Variants in ABLIM1 observed in about 807,000 individuals in gnomAD.
ABLIM1 encodes actin-binding LIM protein 1.
In ABLIM1, 40 loss-of-function variants were observed where a neutral mutation model predicts 107.0. The ratio of observed to expected loss-of-function variants is 0.37; its 90% confidence interval spans 0.29 to 0.49. The LOEUF (loss-of-function observed/expected upper bound fraction) is 0.49. Among genes scored for constraint, ABLIM1 ranks in the 20% least tolerant of loss-of-function variants. ABLIM1 has a pLI of 0.97. For missense variants in ABLIM1, 857 were observed against 1,008.5 expected (o/e 0.85, Z 2.04); for synonymous variants, 357 against 357.3 (o/e 1.00, Z 0.01).
chr10:114,653,673 C>T (rs770678349), intron 1 of ABLIM1, among the ~76,000 whole-genome samples: 4 of 152,172 alleles, frequency 2.6e-5, no homozygotes, highest in Non-Finnish European at 5.9e-5. Flanking sequence ...CTGTTTCGTA[C>T]GTTTACTGAT....
intron 1 of ABLIM1, among the ~76,000 whole-genome samples, chr10:114,754,157 G>T (rs567907918): frequency 1.2e-4 from 18 of 152,218 alleles, no homozygotes; most frequent in Admixed American, 9.8e-4. Flanking sequence ...CAGCCCTCTG[G>T]TCAGGTTTAA....
chr10:114,659,840 G>A (rs534730575), upstream of ABLIM1, among the ~76,000 whole-genome samples: 14 of 152,254 alleles, frequency 9.2e-5, no homozygotes, highest in South Asian at 4.2e-4. Flanking sequence ...GGGTGGAGCC[G>A]GGTCTTCTGC....
chr10:114,523,539 C>A (rs573041041), intron 6 of ABLIM1, among the ~76,000 whole-genome samples: 38 of 151,498 alleles, frequency 2.5e-4, no homozygotes, highest in African/African-American at 9.1e-4. Context: ...GAAGCATTAA[C>A]CTGTGGGGTT....
intron 1 of ABLIM1, among the ~76,000 whole-genome samples, chr10:114,650,595 C>CA (rs58069874): frequency 0.021 from 3,238 of 150,836 alleles, 100 homozygotes; most frequent in African/African-American, 0.074. Flanking sequence ...ATCAATAAAA[C>CA]AAAAAAAAAG....
rs138397583 is a variant in ABLIM1, at chr10:114,485,410, C to T, written c.1041+2548G>A. On this transcript the variant is annotated intron_variant, in intron 8 of 22. Transcript: ENST00000533213. ...CATGAAACATGAGAAAAGGGAAGAA[C>T]GAACACAGAAATAGCCTCAAATCAG... The T allele has an allele frequency of 5.9e-4, 936 of 1,573,196 alleles. 20 individuals are homozygous for T. The East Asian group carries it at 0.019, about 32-fold the overall frequency.
intron 8 of ABLIM1, among the ~76,000 whole-genome samples, chr10:114,486,613 C>T (rs962614042): frequency 1.3e-5 from 2 of 152,192 alleles, no homozygotes; most frequent in Non-Finnish European, 2.9e-5. Context: ...CTTCAGGACT[C>T]TGTGTGTCAA....
chr10:114,612,233 A>C (rs2076856396), intron 1 of ABLIM1, among the ~76,000 whole-genome samples: 1 of 152,218 alleles, frequency 6.6e-6, no homozygotes. Context: ...CCATCACAGC[A>C]GGAGTGAGTG....
intron 2 of ABLIM1, among the ~76,000 whole-genome samples, chr10:114,592,053 T>C (rs1184433561): frequency 6.6e-6 from 1 of 152,206 alleles, no homozygotes; most frequent in Non-Finnish European, 1.5e-5. Flanking sequence ...TCCTAAGAAT[T>C]GCTAATACAA....
chr10:114,751,570 T>A (rs2082511328), intron 1 of ABLIM1, among the ~76,000 whole-genome samples: 1 of 151,606 alleles, frequency 6.6e-6, no homozygotes, highest in African/African-American at 2.4e-5. Flanking sequence ...GCCAACATGG[T>A]GAAACCCCGT....
chr10:114,790,389 A>G, the ABLIM1 span, among the ~76,000 whole-genome samples: 26 of 151,880 alleles, frequency 1.7e-4, no homozygotes, highest in Non-Finnish European at 2.8e-4. Context: ...TTATCTTTAA[A>G]AGACATTGGA....
chr10:114,780,614 G>T, the ABLIM1 span, among the ~76,000 whole-genome samples: 25 of 152,176 alleles, frequency 1.6e-4, no homozygotes, highest in Non-Finnish European at 2.9e-4. Flanking sequence ...TAAACACCTT[G>T]GTTTTGGTTT....
At chr10:114,795,178 G>A in the ABLIM1 span, among the ~76,000 whole-genome samples, 22 of 152,082 alleles carry the variant, frequency 1.4e-4, no homozygotes, top group Non-Finnish European at 2.5e-4. Context: ...ATAGTCATGC[G>A]CATACAAATG....
intron 1 of ABLIM1, among the ~76,000 whole-genome samples, chr10:114,748,072 T>C (rs556799198): frequency 2.0e-5 from 3 of 151,876 alleles, no homozygotes; most frequent in Admixed American, 6.6e-5. Context: ...CTGAAAACAA[T>C]AGCATATAAC....
At position 114,724,325 on chromosome 10, in the gene ABLIM1, G is replaced by A. The variant is rs780876790; in HGVS notation, c.-213+43736C>T. ...AATGTGGCCACTGCGAGGATCAAGA[G>A]AGAATATAGATGAAAGTATGAGCAA... On this transcript the variant is annotated intron_variant, in intron 1 of 15. Coordinates refer to the ABLIM1 transcript ENST00000651092. 2.6e-5 allele frequency among the ~76,000 whole-genome samples: 4 copies of A among 152,280 alleles called. 1 individual carries two copies. In the Middle Eastern group the frequency reaches 0.014, roughly 518 times the overall value.
At chr10:114,643,071 G>A (rs1303550136) in intron 1 of ABLIM1, among the ~76,000 whole-genome samples, 2 of 152,070 alleles carry the variant, frequency 1.3e-5, no homozygotes, top group Non-Finnish European at 1.5e-5. Context: ...GAAAACTGCT[G>A]GAAAACAACA....
intron 6 of ABLIM1, among the ~76,000 whole-genome samples, chr10:114,494,359 C>T (rs976371417): frequency 6.6e-6 from 1 of 152,150 alleles, no homozygotes; most frequent in African/African-American, 2.4e-5. Flanking sequence ...ACAGTAAGAC[C>T]TTGTCTTTAC....
chr10:114,784,406 T>C, the ABLIM1 span, among the ~76,000 whole-genome samples: 2 of 149,158 alleles, frequency 1.3e-5, no homozygotes, highest in African/African-American at 5.1e-5. Flanking sequence ...AGCTCACGCC[T>C]GTAATCCTAG....
At chr10:114,469,488 C>G (rs1288756062) in intron 10 of ABLIM1, among the ~76,000 whole-genome samples, 1 of 152,190 alleles carries the variant, frequency 6.6e-6, no homozygotes, top group Non-Finnish European at 1.5e-5. Flanking sequence ...CACCCAGACA[C>G]CTGCAGGGCT....
chr10:114,443,026 G>A (rs2060420587), intron 17 of ABLIM1, among the ~76,000 whole-genome samples: 2 of 151,884 alleles, frequency 1.3e-5, no homozygotes, highest in African/African-American at 4.8e-5. Context: ...TTTTAGTAGA[G>A]ACGGGGTTTC....
Sources: gnomAD v4.1 joint callset for allele counts (sites outside exome capture counted in the v4.1 genomes callset) on GRCh38, gnomAD v4.1.1 for gene constraint, MANE v1.5 for transcripts, NCBI Gene and HGNC (gene_info 2026-07-23, HGNC 2026-07-21) for gene names.